Variants in FANK1 observed in about 807,000 individuals in gnomAD.
The protein encoded by FANK1 is fibronectin type III and ankyrin repeat domains 1, also known as fibronectin type 3 and ankyrin repeat domains protein 1.
A neutral mutation model predicts 45.3 loss-of-function variants in FANK1; 44 were observed. The observed-to-expected ratio is 0.97, with a 90% CI of 0.76 to 1.25. The LOEUF is 1.25. FANK1 is among the 50% of genes most tolerant of loss of function. The pLI is 0.00. For missense variants in FANK1, 391 were observed against 424.4 expected (o/e 0.92, Z 0.69); for synonymous variants, 149 against 152.5 (o/e 0.98, Z 0.17).
At chr10:125,913,712 C>G (rs1172744611) in intron 1 of FANK1, among the ~76,000 whole-genome samples, 2 of 152,190 alleles carry the variant, frequency 1.3e-5, no homozygotes, top group African/African-American at 2.4e-5. Flanking sequence ...TATACCAGCT[C>G]TGGGACTGGG....
chr10:125,964,921 G>A (rs750378251), intron 1 of FANK1, among the ~76,000 whole-genome samples: 2 of 152,194 alleles, frequency 1.3e-5, no homozygotes, highest in Non-Finnish European at 2.9e-5. Flanking sequence ...CACTTTTGGA[G>A]GCCAAGGCTG....
In FANK1 at chr10:125,980,164, T is replaced by A. The variant is rs770520669; in HGVS notation, c.17T>A (p.Ile6Asn). The A allele has an allele frequency of 4.4e-6, 7 of 1,605,860 alleles. No homozygotes were observed. The highest frequency in any genetic ancestry group is 5.9e-6 in the Non-Finnish European group (7 of 1,177,454). The change falls in exon 2 of 11, where the codon ATC becomes AAC. Residue 6 changes from isoleucine to asparagine, a missense_variant. Coordinates refer to ENST00000368693, the MANE Select transcript of FANK1 (RefSeq NM_145235.5). ...TCGGTGTCATTCTTTTTTTTAGAAA[T>A]CATGCCACCCTCAAAGCCTCATCCA... is the stretch of plus-strand genomic sequence containing the variant. The part of the protein sequence containing the change: MEPQK[I>N]MPPSKPHPPV...
chr10:125,939,844 C>T (rs1399562183), intron 1 of FANK1, among the ~76,000 whole-genome samples: 1 of 151,904 alleles, frequency 6.6e-6, no homozygotes, highest in East Asian at 1.9e-4. Flanking sequence ...ATGCTAACAT[C>T]ATGCTTTAAG....
At chr10:125,994,753 G>C in intron 3 of FANK1, 1 of 985,344 alleles carries the variant, frequency 1.0e-6, no homozygotes, top group Non-Finnish European at 1.2e-6. Flanking sequence ...CTGCCTGTTG[G>C]CTTCGCTGTG....
chr10:125,901,963 T>C (rs1235240906), intron 1 of FANK1, among the ~76,000 whole-genome samples: 1 of 152,162 alleles, frequency 6.6e-6, no homozygotes, highest in Non-Finnish European at 1.5e-5. Context: ...CTACTAAAAA[T>C]ACAAAATTAG....
At chr10:125,927,755 G>A (rs11244703) in intron 1 of FANK1, among the ~76,000 whole-genome samples, 39,233 of 140,044 alleles carry the variant, frequency 0.28, 6,332 homozygotes, top group Non-Finnish European at 0.38. Flanking sequence ...CACGTTGGCC[G>A]GGCTGGTCTC....
chr10:125,921,359 T>C (rs1203544150), intron 1 of FANK1, among the ~76,000 whole-genome samples: 2 of 152,250 alleles, frequency 1.3e-5, no homozygotes, highest in Non-Finnish European at 2.9e-5. Context: ...TCAACAGTTA[T>C]TCCTTTTTAT....
At chr10:125,907,843 A>G (rs1340887171) in intron 1 of FANK1, among the ~76,000 whole-genome samples, 1 of 152,144 alleles carries the variant, frequency 6.6e-6, no homozygotes, top group Non-Finnish European at 1.5e-5. Context: ...ACATAAGGAA[A>G]TGAATTTTGT....
rs552983898 is a variant in FANK1, at chr10:125,909,449, A to G, written c.13+12794A>G. ...TTATCCTTATTATTTCCATCATTTT[A>G]ATTTCATTCGGCTTAATTTGCTGGG... On this transcript the variant is annotated intron_variant, in intron 1 of 10. Coordinates refer to ENST00000368693, the MANE Select transcript of FANK1 (RefSeq NM_145235.5). Among the ~76,000 whole-genome samples, 5 of 149,302 alleles carry G rather than the reference A, an allele frequency of 3.3e-5. No homozygotes were observed. The East Asian group carries it at 9.8e-4, about 29-fold the overall frequency.
At chr10:125,912,359 C>G (rs1284445248) in intron 1 of FANK1, among the ~76,000 whole-genome samples, 1 of 151,992 alleles carries the variant, frequency 6.6e-6, no homozygotes, top group South Asian at 2.1e-4. Context: ...ATCTACCCCC[C>G]TCCTCCTCTT....
intron 1 of FANK1, among the ~76,000 whole-genome samples, chr10:125,966,481 T>C (rs1201345966): frequency 6.6e-6 from 1 of 152,154 alleles, no homozygotes; most frequent in Non-Finnish European, 1.5e-5. Context: ...TGTCCAATGT[T>C]CCCTGCTCCT....
At chr10:125,903,618 C>T (rs1564850555) in intron 1 of FANK1, among the ~76,000 whole-genome samples, 2 of 152,272 alleles carry the variant, frequency 1.3e-5, no homozygotes, top group Non-Finnish European at 2.9e-5. Flanking sequence ...CTGCTTGAGC[C>T]TAGGAGTTTG....
In FANK1 at chr10:125,898,039, G is replaced by GGT. The variant is rs1350139003; in HGVS notation, c.13+1388_13+1389dup. Among the ~76,000 whole-genome samples, 407 of 111,444 alleles carry GGT rather than the reference G, an allele frequency of 3.7e-3. 2 individuals carry two copies. The highest frequency in any genetic ancestry group is 0.013 in the African/African-American group (375 of 29,750). The allele number at this position is 111,444 out of a possible 152,430, so 73.1% of individuals were successfully genotyped here. ...AAAAAAAAAAAAAAAAAAAAAGCCAGGTGTGGTGGCGCGTGCCTGGAGTCC... is the reference window on the plus strand; with the variant it reads ...AAAAAAAAAAAAAAAAAAAAAGCCAGGTGTGTGGTGGCGCGTGCCTGGAGTCC... On this transcript the variant is annotated intron_variant, in intron 1 of 10. Transcript: ENST00000368693.
chr10:125,995,598 C>A, intron 4 of FANK1, 100 bp downstream of exon 4: 1 of 1,109,746 alleles, frequency 9.0e-7, no homozygotes, highest in South Asian at 1.3e-5. Flanking sequence ...ATTCCCATGG[C>A]TTTGAAACTG....
rs186666497 is a variant in FANK1 at position 125,958,857 on chromosome 10, C to T, written c.14-21304C>T. Among the ~76,000 whole-genome samples, 10 of 152,306 alleles carry T rather than the reference C, an allele frequency of 6.6e-5. No homozygotes were observed. The East Asian group carries it at 1.9e-3, about 29-fold the overall frequency. ...TTGAGAATACAAACAAATGGAAAGA[C>T]ATCCCATGCTCATGGATCAGAGGAA... On this transcript the variant is annotated intron_variant, in intron 1 of 10. Transcript: ENST00000368693.
chr10:125,958,303 T>A (rs940465949), intron 1 of FANK1, among the ~76,000 whole-genome samples: 1 of 152,224 alleles, frequency 6.6e-6, no homozygotes, highest in Non-Finnish European at 1.5e-5. Context: ...TTCACATTGC[T>A]ATGAAGAACT....
rs545624905 is a variant in FANK1 at position 125,995,976 on chromosome 10, G to A, written c.398+478G>A. ...TACATGAAAAGTAGATGTTATCTAG[G>A]TTCTTTTTGAATCAATAGTTTTGAG... On this transcript the variant is annotated intron_variant, in intron 4 of 10. Coordinates refer to ENST00000368693, the MANE Select transcript of FANK1 (RefSeq NM_145235.5). Among the ~76,000 whole-genome samples, 12 of 152,344 alleles carry A rather than the reference G, an allele frequency of 7.9e-5. No individual in the cohort carries two copies. In the East Asian group the frequency reaches 2.3e-3, roughly 29 times the overall value.
At chr10:125,984,197 C>T (rs1170405018) in intron 2 of FANK1, among the ~76,000 whole-genome samples, 12 of 151,996 alleles carry the variant, frequency 7.9e-5, no homozygotes, top group Non-Finnish European at 1.3e-4. Context: ...CACCGTGGGT[C>T]GGCCAGGGCT....
intron 1 of FANK1, among the ~76,000 whole-genome samples, chr10:125,974,127 A>G (rs1044581977): frequency 6.6e-6 from 1 of 152,158 alleles, no homozygotes; most frequent in Non-Finnish European, 1.5e-5. Flanking sequence ...ACATATTCAA[A>G]CCTAGGTTTA....
Sources: gnomAD v4.1 joint callset for allele counts (sites outside exome capture counted in the v4.1 genomes callset) on GRCh38, gnomAD v4.1.1 for gene constraint, MANE v1.5 for transcripts, NCBI Gene and HGNC (gene_info 2026-07-23, HGNC 2026-07-21) for gene names.